The following CMYA5 variants were observed in gnomAD, a reference collection of about 807,000 sequenced individuals.
CMYA5 encodes the protein cardiomyopathy-associated protein 5.
Under a neutral mutation model 318.9 loss-of-function variants are expected in CMYA5, and 246 were observed. That is an observed-to-expected ratio of 0.77 (90% CI 0.70 to 0.86). CMYA5 has a LOEUF of 0.86. Ranked by LOEUF, CMYA5 falls within the 40% of genes least tolerant of loss-of-function variation. CMYA5 has a pLI of 0.00. For missense variants in CMYA5, 4,589 were observed against 4,678.2 expected (o/e 0.98, Z 0.56); for synonymous variants, 1,641 against 1,729.5 (o/e 0.95, Z 1.27).
rs868154439 is a variant in CMYA5, at chr5:79,734,518, C to T, written c.5753C>T (p.Ser1918Phe). The T allele has an allele frequency of 3.1e-6, 5 of 1,613,514 alleles. No homozygotes were observed. In the Admixed American group the frequency reaches 8.3e-5, roughly 27 times the overall value. Reference sequence around the variant, plus strand: ...ATAGCAGGATCTGTGCAGCTGGATTCCTCTAGCAGCAATGAGCTGAGGCCA... The same window carrying T: ...ATAGCAGGATCTGTGCAGCTGGATTTCTCTAGCAGCAATGAGCTGAGGCCA... The part of the protein sequence containing the change: ...QRIAGSVQLD[S>F]SSSNELRPGQ... Residue 1918 changes from serine to phenylalanine, a missense_variant, in exon 2 of 13, where the codon TCC becomes TTC. Ser to Phe is a radical substitution (Grantham distance 155, BLOSUM62 -2). This residue lies in a region of CMYA5 where 2,431 missense variants were observed against 2,495.1 expected (regional missense o/e 0.97). Coordinates refer to ENST00000446378, the MANE Select transcript of CMYA5 (RefSeq NM_153610.5).
chr5:79,791,015 A>G lies in CMYA5; in HGVS notation c.11735A>G (p.His3912Arg). The G allele has an allele frequency of 1.9e-6, 3 of 1,613,924 alleles. No homozygotes were observed. Among genetic ancestry groups the G allele is most frequent in the South Asian group, 1.1e-5 (1 of 91,038 alleles). ...AGAGAAACAGCTCATCCTGCTCTAC[A>G]CATTTCCTCAAGTGGGACAGTGATC... ...LLRETAHPAL[H>R]ISSSGTVISF... Residue 3912 changes from histidine to arginine, a missense_variant, in exon 11 of 13, where the codon CAC becomes CGC. By Grantham distance (29) the His-to-Arg change is conservative. Around this residue, in one of 3 missense-constraint regions of CMYA5, gnomAD observed 2,431 missense variants for 2,495.1 expected, o/e 0.97. Transcript: ENST00000446378.
chr5:79,758,962 A>G (rs1030020359), intron 7 of CMYA5, 60 bp downstream of exon 7: 3 of 1,355,854 alleles, frequency 2.2e-6, no homozygotes, highest in African/African-American at 1.5e-5. Context: ...CATGTGAAGT[A>G]TTTAAATATA....
chr5:79,750,314 T>C (rs951136809), intron 5 of CMYA5, among the ~76,000 whole-genome samples: 1 of 152,208 alleles, frequency 6.6e-6, no homozygotes, highest in Admixed American at 6.5e-5. Context: ...TTCTGAGGAA[T>C]TTCTCTTTTC....
rs1166459863 is a variant in CMYA5 at position 79,788,971 on chromosome 5, A to C, written c.11556A>C (p.Arg3852Ser). 6.2e-7 allele frequency: 1 copy of C among 1,613,096 alleles called. No individual in the cohort carries two copies. Among genetic ancestry groups the C allele is most frequent in the African/African-American group, 1.3e-5 (1 of 74,914 alleles). Residue 3852 changes from arginine (R) to serine (S), a missense_variant and splice_region_variant, in exon 10 of 13, where the codon AGA (arginine) becomes AGC (serine). Arg to Ser is a moderately radical substitution (Grantham distance 110, BLOSUM62 -1). Transcript: ENST00000446378. ...ATTATTATTTTCCTCTTGTATTTAG[A>C]TCTTTCTCTGGAATCAAAGGACTCC... Reference protein sequence around the residue: ...RQHSPEGEGLRSFSGIKGLQL... With the variant: ...RQHSPEGEGLSSFSGIKGLQL...
intron 1 of CMYA5, among the ~76,000 whole-genome samples, chr5:79,695,980 G>A (rs1185372974): frequency 6.6e-6 from 1 of 152,202 alleles, no homozygotes; most frequent in African/African-American, 2.4e-5. Context: ...TTAAGGTTGA[G>A]AATATTTGTT....
rs62621915 is a variant in CMYA5, at chr5:79,731,877, T to C, written c.3112T>C (p.Phe1038Leu). The change falls in exon 2 of 13, where the codon TTT (phenylalanine) becomes CTT (leucine). Residue 1038 changes from phenylalanine to leucine, a missense_variant. Around this residue, in one of 3 missense-constraint regions of CMYA5, gnomAD observed 2,132 missense variants for 2,131.3 expected, o/e 1.00. Transcript: ENST00000446378. ...AGTGTCTGCTTCAGGTTATTCCTGC[T>C]TTTCAGAAGCAGATGAGGAAGACAT... ...TAVSASGYSC[F>L]SEADEEDIGS... 0.079 allele frequency: 127,905 copies of C among 1,613,358 alleles called. 8,901 individuals are homozygous for C. Among genetic ancestry groups the C allele is most frequent in the East Asian group, 0.46 (20,532 of 44,842 alleles).
intron 9 of CMYA5, 25 bp downstream of exon 9, chr5:79,763,234 G>C (rs748557355): frequency 1.9e-6 from 3 of 1,566,498 alleles, no homozygotes; most frequent in Non-Finnish European, 2.6e-6. Context: ...CCATGGGAGA[G>C]ACTGCCCAGA....
At chr5:79,774,980 CA>C (rs940471094) in intron 9 of CMYA5, among the ~76,000 whole-genome samples, 7 of 152,224 alleles carry the variant, frequency 4.6e-5, no homozygotes, top group African/African-American at 1.2e-4. Context: ...AGCTTCCTTG[CA>C]CCCTGTGGCT....
chr5:79,705,227 G>A (rs550514864), intron 1 of CMYA5, among the ~76,000 whole-genome samples: 7 of 152,292 alleles, frequency 4.6e-5, no homozygotes, highest in East Asian at 3.9e-4. Context: ...AGGCGAGATC[G>A]TGCCACTGCA....
chr5:79,733,138 C>A lies in CMYA5; in HGVS notation c.4373C>A (p.Ser1458Tyr). The A allele has an allele frequency of 6.2e-7, 1 of 1,613,806 alleles. No homozygotes were observed. Among genetic ancestry groups the A allele is most frequent in the South Asian group, 1.1e-5 (1 of 91,070 alleles). ...AGTGTCTCCTCTATAGCAGAGCATT[C>A]TGTTTTGTCAGAAGTAGAAGCCAAA... The part of the protein sequence containing the change: ...LPSVSSIAEH[S>Y]VLSEVEAKEV... The change falls in exon 2 of 13, where the codon TCT (serine) becomes TAT (tyrosine). Residue 1458 changes from serine (S) to tyrosine (Y), a missense_variant. Transcript: ENST00000446378.
intron 9 of CMYA5, among the ~76,000 whole-genome samples, chr5:79,764,805 C>A (rs1265994863): frequency 2.6e-5 from 4 of 152,098 alleles, no homozygotes; most frequent in Non-Finnish European, 5.9e-5. Context: ...TGAGAAGTAT[C>A]TGTTCATATC....
At chr5:79,769,681 C>T (rs1828819377) in intron 9 of CMYA5, among the ~76,000 whole-genome samples, 1 of 152,130 alleles carries the variant, frequency 6.6e-6, no homozygotes, top group South Asian at 2.1e-4. Context: ...AAGCTTCATC[C>T]CATAGAGGCA....
intron 1 of CMYA5, among the ~76,000 whole-genome samples, chr5:79,697,680 C>A (rs536149881): frequency 2.0e-5 from 3 of 152,270 alleles, no homozygotes; most frequent in African/African-American, 7.2e-5. Context: ...ACTGGCAGGG[C>A]CTGTGCTGGA....
intron 1 of CMYA5, among the ~76,000 whole-genome samples, chr5:79,725,574 T>G (rs535025563): frequency 1.7e-4 from 26 of 152,254 alleles, no homozygotes; most frequent in African/African-American, 6.0e-4. Context: ...AGTATACCCA[T>G]GTAACAAATG....
rs750386523 is a variant in CMYA5, at chr5:79,738,622, T to C, written c.9857T>C (p.Phe3286Ser). 1.3e-5 allele frequency: 21 copies of C among 1,613,668 alleles called. No individual in the cohort carries two copies. In the South Asian group the frequency reaches 1.9e-4, roughly 14 times the overall value. Residue 3286 changes from phenylalanine (F) to serine (S), a missense_variant, in exon 2 of 13, where the codon TTT becomes TCT. Phe to Ser is a radical substitution (Grantham distance 155). Coordinates refer to ENST00000446378, the MANE Select transcript of CMYA5 (RefSeq NM_153610.5). ...IAAEGEIWGKFGTICREKSLE... is the reference protein window; with the variant it reads ...IAAEGEIWGKSGTICREKSLE... Reference sequence around the variant, plus strand: ...GCAGAAGGGGAAATTTGGGGAAAGTTTGGAACTATTTGCAGGGAGAAGAGT... The same window carrying C: ...GCAGAAGGGGAAATTTGGGGAAAGTCTGGAACTATTTGCAGGGAGAAGAGT...
In CMYA5 at chr5:79,734,213, C is replaced by T. The variant is rs996124278; in HGVS notation, c.5448C>T (p.Asp1816=). Residue 1816 remains aspartate (D), a synonymous_variant, in exon 2 of 13, where the codon GAC becomes GAT. Transcript: ENST00000446378. ...AACCATCAAAGATTGCTCCTTCTGA[C>T]CTCCTTGTAGAACAAAAAAAGACAG... ...ITEPSKIAPS[D]LLVEQKKTEK... 19 of 1,613,636 alleles carry T rather than the reference C, an allele frequency of 1.2e-5. No homozygotes were observed. Among genetic ancestry groups the T allele is most frequent in the Non-Finnish European group, 1.4e-5 (16 of 1,179,806 alleles).
chr5:79,731,721 A>C lies in CMYA5; in HGVS notation c.2956A>C (p.Ile986Leu), dbSNP rs780324977. 23 of 1,613,912 alleles carry C rather than the reference A, an allele frequency of 1.4e-5. No individual in the cohort carries two copies. The highest frequency in any genetic ancestry group is 1.9e-5 in the Non-Finnish European group (23 of 1,179,862). The change falls in exon 2 of 13, where the codon ATT (isoleucine) becomes CTT (leucine). Residue 986 changes from isoleucine (I) to leucine (L), a missense_variant. This residue lies in a region of CMYA5 where 2,132 missense variants were observed against 2,131.3 expected (regional missense o/e 1.00). Coordinates refer to ENST00000446378, the MANE Select transcript of CMYA5 (RefSeq NM_153610.5). ...ICLTSPSEHT[I>L]LSDEDTEEAE... ...TTTAACATCACCATCTGAGCACACT[A>C]TTTTGTCAGATGAAGACACTGAAGA...
chr5:79,774,570 A>G (rs1319461817), intron 9 of CMYA5: 1 of 152,302 alleles, frequency 6.6e-6, no homozygotes, highest in East Asian at 1.9e-4. Context: ...CAAATCTGTG[A>G]GAGTCAATAC....
Position 79,735,652 on chromosome 5 carries a change from G to A in CMYA5, c.6887G>A (p.Gly2296Asp). 1 of 1,613,338 alleles carries A rather than the reference G, an allele frequency of 6.2e-7. No homozygotes were observed. Among genetic ancestry groups the A allele is most frequent in the South Asian group, 1.1e-5 (1 of 90,888 alleles). Residue 2296 changes from glycine (G) to aspartate (D), a missense_variant, in exon 2 of 13, where the codon GGC becomes GAC. By Grantham distance (94) the Gly-to-Asp change is moderately conservative. Coordinates refer to ENST00000446378, the MANE Select transcript of CMYA5 (RefSeq NM_153610.5). Reference sequence around the variant, plus strand: ...GATTATGGAAAAAAAGAAATCTCAGGCGATTCAGAGGAAATGAACATAAAC... The same window carrying A: ...GATTATGGAAAAAAAGAAATCTCAGACGATTCAGAGGAAATGAACATAAAC... ...REDYGKKEIS[G>D]DSEEMNINSV...
Sources: gnomAD v4.1 joint callset for allele counts (sites outside exome capture counted in the v4.1 genomes callset) on GRCh38, gnomAD v4.1.1 for gene constraint, gnomAD v4.1.1 regional missense constraint, MANE v1.5 for transcripts, NCBI Gene and HGNC (gene_info 2026-07-23, HGNC 2026-07-21) for gene names.